The following RAPGEF2 variants were observed in gnomAD, a reference collection of about 807,000 sequenced individuals.
RAPGEF2 encodes PDZ domain containing guanine nucleotide exchange factor (GEF) 1.
A neutral mutation model predicts 186.7 loss-of-function variants in RAPGEF2; 54 were observed. That is an observed-to-expected ratio of 0.29 (90% CI 0.23 to 0.36). The LOEUF (loss-of-function observed/expected upper bound fraction) is 0.36, where lower values mean the gene tolerates loss of function less well. RAPGEF2 is among the 10% of genes least tolerant of loss of function. The probability of loss-of-function intolerance (pLI) is 1.00; values close to 1 mark genes in which losing one functional copy is unlikely to be tolerated. For missense variants in RAPGEF2, 1,532 were observed against 2,045.0 expected (o/e 0.75, Z 4.84); for synonymous variants, 712 against 705.9 (o/e 1.01, Z -0.14).
At chr4:159,231,774 A>C (rs962255368) in intron 4 of RAPGEF2, among the ~76,000 whole-genome samples, 2 of 152,182 alleles carry the variant, frequency 1.3e-5, no homozygotes. Flanking sequence ...ATATATGTGC[A>C]AATATTCCCA....
At chr4:159,309,346 T>C (rs1002329621) in intron 8 of RAPGEF2, among the ~76,000 whole-genome samples, 1 of 152,302 alleles carries the variant, frequency 6.6e-6, no homozygotes, top group Admixed American at 6.5e-5. Flanking sequence ...TTTTATGTTA[T>C]CTCTCTGCCT....
intron 7 of RAPGEF2, among the ~76,000 whole-genome samples, chr4:159,287,619 AAT>A (rs1289016533): frequency 6.6e-6 from 1 of 152,148 alleles, no homozygotes; most frequent in African/African-American, 2.4e-5. Flanking sequence ...TTGAAGTAAA[AAT>A]ATGTTAATTT....
At chr4:159,262,643 C>T (rs1262821864) in intron 7 of RAPGEF2, among the ~76,000 whole-genome samples, 1 of 152,158 alleles carries the variant, frequency 6.6e-6, no homozygotes, top group African/African-American at 2.4e-5. Context: ...GACTTACAGG[C>T]TTCTTTGTTT....
intron 1 of RAPGEF2, among the ~76,000 whole-genome samples, chr4:159,174,198 A>G (rs1746209457): frequency 1.3e-5 from 2 of 152,248 alleles, no homozygotes; most frequent in Non-Finnish European, 2.9e-5. Context: ...CAGGGACGTG[A>G]CAATTAACAT....
At chr4:159,114,871 G>A (rs187831771) in intron 1 of RAPGEF2, among the ~76,000 whole-genome samples, 47 of 152,200 alleles carry the variant, frequency 3.1e-4, no homozygotes, top group Middle Eastern at 3.4e-3. Flanking sequence ...GGAATGAATG[G>A]CAAGGGTGTG....
chr4:159,314,461 C>T, intron 8 of RAPGEF2, 130 bp from the exon 9 acceptor site: 1 of 773,768 alleles, frequency 1.3e-6, no homozygotes, highest in Non-Finnish European at 1.9e-6. Flanking sequence ...GTTTCTGGTG[C>T]ATACATAGTT....
chr4:159,314,630 T>C lies in RAPGEF2; in HGVS notation c.715T>C (p.Leu239=), dbSNP rs374490990. ...GGCTGGTGATATGGACCTGAGTGGG[T>C]TGCCAGAAACAGCAGTGGATTCCGA... The part of the protein sequence containing the change: ...SEAGDMDLSG[L]PETAVDSEDD... The change falls in exon 9 of 30, where the codon TTG becomes CTG. Residue 239 remains leucine, a synonymous_variant. Coordinates refer to ENST00000691494, the MANE Select transcript of RAPGEF2 (RefSeq NM_001394067.2). 14 of 1,613,782 alleles carry C rather than the reference T, an allele frequency of 8.7e-6. No homozygotes were observed. The highest frequency in any genetic ancestry group is 1.7e-5 in the Admixed American group (1 of 59,972).
intron 19 of RAPGEF2, among the ~76,000 whole-genome samples, chr4:159,339,844 A>G (rs545900016): frequency 6.6e-5 from 10 of 152,328 alleles, no homozygotes; most frequent in African/African-American, 2.4e-4. Context: ...GTGGTTGGCC[A>G]CTTCTGCCTG....
At chr4:159,200,051 T>G (rs1749240290) in intron 3 of RAPGEF2, among the ~76,000 whole-genome samples, 1 of 151,974 alleles carries the variant, frequency 6.6e-6, no homozygotes, top group Non-Finnish European at 1.5e-5. Context: ...ATGTAATCTC[T>G]CTCTCTCTCT....
At chr4:159,343,591 C>T (rs1446714861) in intron 22 of RAPGEF2, among the ~76,000 whole-genome samples, 187 bp downstream of exon 22, 1 of 152,182 alleles carries the variant, frequency 6.6e-6, no homozygotes, top group African/African-American at 2.4e-5. Flanking sequence ...ATAAAGTGTT[C>T]TTTCGGCTGT....
chr4:159,104,422 C>G (rs187221151), intron 1 of RAPGEF2, among the ~76,000 whole-genome samples, 191 bp downstream of exon 1: 44 of 151,352 alleles, frequency 2.9e-4, no homozygotes, highest in East Asian at 2.5e-3. Context: ...ATTTTTCCCT[C>G]TCCTTGACAT....
chr4:159,155,483 G>C (rs1744015323), intron 1 of RAPGEF2, among the ~76,000 whole-genome samples: 2 of 152,170 alleles, frequency 1.3e-5, no homozygotes, highest in African/African-American at 4.8e-5. Flanking sequence ...AGGAGATGAT[G>C]AGTTTCTTTG....
rs147919550 is a variant in RAPGEF2 at position 159,252,751 on chromosome 4, G to T, written c.543+8960G>T. Among the ~76,000 whole-genome samples the T allele has an allele frequency of 7.9e-5, 12 of 152,306 alleles. No individual in the cohort carries two copies. The East Asian group carries it at 2.3e-3, about 29-fold the overall frequency. ...TCTTTCACATCAGCTAAGAGAGGCCGATTGTTTTCTAGTTGCAGCAGTTTT... is the reference window on the plus strand; with the variant it reads ...TCTTTCACATCAGCTAAGAGAGGCCTATTGTTTTCTAGTTGCAGCAGTTTT... On this transcript the variant is annotated intron_variant, in intron 7 of 29. Transcript: ENST00000691494.
chr4:159,348,242 A>AGATGGATGGATGGATGGATG (rs57748987), intron 25 of RAPGEF2, among the ~76,000 whole-genome samples: 4 of 144,954 alleles, frequency 2.8e-5, no homozygotes, highest in African/African-American at 5.5e-5. Flanking sequence ...ATAGATAGAT[A>AGATGGATGGATGGATGGATG]GATGGATGGA....
chr4:159,255,424 A>G (rs1262479413), intron 7 of RAPGEF2, among the ~76,000 whole-genome samples: 9 of 151,240 alleles, frequency 6.0e-5, no homozygotes, highest in Admixed American at 2.6e-4. Context: ...TTCTTATATT[A>G]AGACATAAGT....
At chr4:159,284,887 AC>A (rs1259695728) in intron 7 of RAPGEF2, among the ~76,000 whole-genome samples, 2 of 152,162 alleles carry the variant, frequency 1.3e-5, no homozygotes, top group African/African-American at 4.8e-5. Context: ...CTTTGTCTCT[AC>A]AAAAAAACTG....
intron 8 of RAPGEF2, among the ~76,000 whole-genome samples, chr4:159,313,544 A>G (rs1764199091): frequency 6.6e-6 from 1 of 152,096 alleles, no homozygotes; most frequent in Admixed American, 6.5e-5. Context: ...TTATATTTTT[A>G]TCTTTCTTTT....
intron 7 of RAPGEF2, among the ~76,000 whole-genome samples, chr4:159,278,900 C>T (rs1394522006): frequency 1.3e-5 from 2 of 152,106 alleles, no homozygotes; most frequent in Non-Finnish European, 2.9e-5. Flanking sequence ...CCACACTATC[C>T]AGGAGGTAAG....
At chr4:159,280,572 A>G (rs4691553) in intron 7 of RAPGEF2, among the ~76,000 whole-genome samples, 28,732 of 152,156 alleles carry the variant, frequency 0.19, 2,854 homozygotes, top group Admixed American at 0.25. Flanking sequence ...TCACAGGTAT[A>G]TACATTACTC....
Sources: gnomAD v4.1 joint callset for allele counts (sites outside exome capture counted in the v4.1 genomes callset) on GRCh38, gnomAD v4.1.1 for gene constraint, MANE v1.5 for transcripts, NCBI Gene and HGNC (gene_info 2026-07-23, HGNC 2026-07-21) for gene names.